The following CDK14 variants were observed in gnomAD, a reference collection of about 807,000 sequenced individuals.
CDK14 encodes cyclin-dependent kinase 14.
Under a neutral mutation model 60.7 loss-of-function variants are expected in CDK14, and 34 were observed. The ratio of observed to expected loss-of-function variants is 0.56; its 90% confidence interval spans 0.43 to 0.75. The LOEUF is 0.75. Ranked by LOEUF, CDK14 falls within the 30% of genes least tolerant of loss-of-function variation. The pLI, the probability that CDK14 is intolerant of heterozygous loss-of-function variation, is 0.00. For synonymous variants in CDK14, 197 were observed against 203.7 expected (o/e 0.97, Z 0.28); for missense variants, 482 against 564.1 (o/e 0.85, Z 1.47).
chr7:90,883,070 G>C (rs1791815312), intron 6 of CDK14, among the ~76,000 whole-genome samples: 1 of 151,376 alleles, frequency 6.6e-6, no homozygotes, highest in African/African-American at 2.4e-5. Context: ...AAAGCTAGCA[G>C]AAGACAGGAA....
intron 13 of CDK14, among the ~76,000 whole-genome samples, chr7:91,114,497 C>T (rs1474105118): frequency 6.6e-6 from 1 of 152,124 alleles, no homozygotes; most frequent in Non-Finnish European, 1.5e-5. Context: ...TGTAATTTTA[C>T]AGATTAAGAA....
chr7:91,080,380 G>T (rs1434342157), intron 12 of CDK14, among the ~76,000 whole-genome samples: 1 of 152,190 alleles, frequency 6.6e-6, no homozygotes, highest in East Asian at 1.9e-4. Context: ...CTCATGAAAT[G>T]AATACATTAA....
At chr7:90,736,563 T>G (rs1803124156) in intron 3 of CDK14, among the ~76,000 whole-genome samples, 1 of 151,998 alleles carries the variant, frequency 6.6e-6, no homozygotes, top group South Asian at 2.1e-4. Context: ...GCTTAGAGGA[T>G]GTAACAATGA....
intron 9 of CDK14, among the ~76,000 whole-genome samples, chr7:90,982,277 G>C (rs1795249619): frequency 6.6e-6 from 1 of 152,206 alleles, no homozygotes; most frequent in South Asian, 2.1e-4. Context: ...CAGGATTATA[G>C]TGGTTGAGTT....
chr7:91,190,455 T>C (rs1278577128), intron 14 of CDK14, among the ~76,000 whole-genome samples: 2 of 152,194 alleles, frequency 1.3e-5, no homozygotes, highest in African/African-American at 4.8e-5. Context: ...TAGGAAAGGA[T>C]GAAAAGTCAT....
chr7:90,806,575 C>A (rs1247764522), intron 5 of CDK14, among the ~76,000 whole-genome samples: 3 of 152,320 alleles, frequency 2.0e-5, no homozygotes, highest in African/African-American at 7.2e-5. Context: ...GCATTTCCAA[C>A]TGAGGTACCA....
At chr7:90,760,605 C>T (rs372052530) in intron 4 of CDK14, among the ~76,000 whole-genome samples, 8 of 152,316 alleles carry the variant, frequency 5.3e-5, no homozygotes, top group African/African-American at 1.9e-4. Flanking sequence ...TTCTTTTAGA[C>T]TTTGGGCTCT....
chr7:91,110,638 ACATG>A (rs1799444136), intron 12 of CDK14, among the ~76,000 whole-genome samples: 1 of 152,204 alleles, frequency 6.6e-6, no homozygotes, highest in Admixed American at 6.5e-5. Flanking sequence ...TCTTGTATTT[ACATG>A]CAATGTAACA....
intron 4 of CDK14, among the ~76,000 whole-genome samples, chr7:90,761,624 C>T (rs543649249): frequency 6.6e-6 from 1 of 152,244 alleles, no homozygotes; most frequent in African/African-American, 2.4e-5. Context: ...TGTCTGGAGA[C>T]ATTTTTGGCT....
intron 2 of CDK14, among the ~76,000 whole-genome samples, chr7:90,651,937 A>G (rs1454018609): frequency 1.3e-5 from 2 of 152,108 alleles, no homozygotes; most frequent in Non-Finnish European, 2.9e-5. Flanking sequence ...ACAAAGGAGC[A>G]TACACTGTAT....
At chr7:91,087,905 A>G (rs934881810) in intron 12 of CDK14, among the ~76,000 whole-genome samples, 5 of 152,190 alleles carry the variant, frequency 3.3e-5, no homozygotes, top group African/African-American at 1.2e-4. Flanking sequence ...ATAGCGTTGT[A>G]CATAATTAAT....
chr7:90,908,514 C>G (rs1322526253), intron 7 of CDK14, among the ~76,000 whole-genome samples: 1 of 151,974 alleles, frequency 6.6e-6, no homozygotes, highest in Non-Finnish European at 1.5e-5. Flanking sequence ...CTTGGGAGTT[C>G]CCATTAAGAA....
intron 4 of CDK14, 64 bp downstream of exon 4, chr7:90,747,839 G>T: frequency 6.4e-6 from 4 of 624,986 alleles, no homozygotes; most frequent in South Asian, 3.3e-5. Flanking sequence ...TTACTAAATA[G>T]CATTTTATTT....
At chr7:90,714,253 C>G (rs1388390916) in intron 2 of CDK14, among the ~76,000 whole-genome samples, 1 of 152,036 alleles carries the variant, frequency 6.6e-6, no homozygotes, top group Non-Finnish European at 1.5e-5. Context: ...ACATTTGCCC[C>G]AGCAGCTTAT....
chr7:90,626,414 C>G (rs1799877843), intron 2 of CDK14, among the ~76,000 whole-genome samples: 2 of 152,160 alleles, frequency 1.3e-5, no homozygotes, highest in East Asian at 3.8e-4. Flanking sequence ...ATGAAGAGAT[C>G]AATACTGCCA....
intron 12 of CDK14, among the ~76,000 whole-genome samples, chr7:91,101,887 T>C (rs1468315581): frequency 1.3e-5 from 2 of 152,260 alleles, no homozygotes; most frequent in Middle Eastern, 3.4e-3. Flanking sequence ...ACAAAAGCAG[T>C]GTTATGACCA....
rs991211842 is a variant in CDK14, at chr7:90,795,443, T to C, written c.544+4791T>C. On this transcript the variant is annotated intron_variant, in intron 5 of 14. Coordinates refer to ENST00000380050, the MANE Select transcript of CDK14 (RefSeq NM_001287135.2). ...ATTAATTTTTATTTATTTTTTGTAT[T>C]AGTTACATATAGATATAAATTAATA... Among the ~76,000 whole-genome samples the C allele has an allele frequency of 1.1e-4, 17 of 150,754 alleles. No individual in the cohort carries two copies. The South Asian group carries it at 3.5e-3, about 31-fold the overall frequency.
At chr7:90,785,239 A>C (rs1805529040) in intron 4 of CDK14, among the ~76,000 whole-genome samples, 1 of 152,182 alleles carries the variant, frequency 6.6e-6, no homozygotes. Context: ...AATTTCTTCT[A>C]GGTGTTAGCA....
chr7:91,200,602 C>T (rs1189894360), intron 14 of CDK14, among the ~76,000 whole-genome samples: 1 of 152,092 alleles, frequency 6.6e-6, no homozygotes, highest in Non-Finnish European at 1.5e-5. Context: ...CAGTTACGCG[C>T]TTTAGTTAAG....
Sources: allele counts gnomAD v4.1 joint callset (sites outside exome capture counted in the v4.1 genomes callset), GRCh38; gene constraint gnomAD v4.1.1; transcripts MANE v1.5; gene names NCBI Gene and HGNC (gene_info 2026-07-23, HGNC 2026-07-21).